AGL: variants seen among roughly 807,000 people sequenced by gnomAD.
AGL encodes glycogen debranching enzyme.
AGL carries 128 observed loss-of-function variants against 199.3 expected under a neutral mutation model. The ratio of observed to expected loss-of-function variants is 0.64; its 90% confidence interval spans 0.56 to 0.74. The LOEUF is 0.74. Among genes scored for constraint, AGL ranks in the 30% least tolerant of loss-of-function variants. The pLI is 0.00. For synonymous variants in AGL, 584 were observed against 594.7 expected, an observed-to-expected ratio of 0.98 and a Z score of 0.26; for missense variants, 1,809 against 1,820.8, an observed-to-expected ratio of 0.99 and a Z score of 0.12.
In AGL at chr1:99,861,774, C is replaced by T. The variant is rs541126827; in HGVS notation, c.293+61C>T. ...AATTTGTTCTGTAATTTGAAGTCAC[C>T]TAACTTGTAAATGTTACTGTATGAA... On this transcript the variant is annotated intron_variant, in intron 3 of 33. Transcript: ENST00000361915. The T allele has an allele frequency of 1.7e-5, 26 of 1,567,968 alleles. No homozygotes were observed. The South Asian group carries it at 2.8e-4, about 17-fold the overall frequency.
chr1:99,868,173 TA>T (rs1650693668), intron 5 of AGL, among the ~76,000 whole-genome samples: 1 of 152,230 alleles, frequency 6.6e-6, no homozygotes, highest in South Asian at 2.1e-4. Flanking sequence ...TGATGTGTGT[TA>T]AAACATAGTT....
rs1035695875 is a variant in AGL at position 99,888,007 on chromosome 1, T to C, written c.2711T>C (p.Leu904Pro). 2 of 1,613,590 alleles carry C rather than the reference T, an allele frequency of 1.2e-6. No homozygotes were observed. The highest frequency in any genetic ancestry group is 1.7e-5 in the Admixed American group (1 of 59,966). The change falls in exon 21 of 34, where the codon CTA (leucine) becomes CCA (proline). Residue 904 changes from leucine (L) to proline (P), a missense_variant. Transcript: ENST00000361915. ...GCCTCCAGATTAACTTTGGCTGAGC[T>C]AAATCAGATCCTTTACCGATGTGAA... ...SLASRLTLAE[L>P]NQILYRCESE...
chr1:99,906,777 A>G (rs1654324564), intron 27 of AGL, among the ~76,000 whole-genome samples: 1 of 152,124 alleles, frequency 6.6e-6, no homozygotes, highest in South Asian at 2.1e-4. Flanking sequence ...ATTCATTGTC[A>G]GTGGGCATTT....
At position 99,885,455 on chromosome 1, in the gene AGL, C is replaced by T. The variant is rs145419380; in HGVS notation, c.2681+752C>T. On this transcript the variant is annotated intron_variant, in intron 20 of 33. Transcript: ENST00000361915. ...TCAGAAATGGAAGTTTTGGGTTAGA[C>T]GAGGGGTCCCCAACCTCTGGGCCAC... Among the ~76,000 whole-genome samples the T allele has an allele frequency of 7.2e-3, 1,093 of 152,238 alleles. 8 individuals are homozygous for T. The highest frequency in any genetic ancestry group is 0.025 in the African/African-American group (1,034 of 41,530).
chr1:99,850,987 C>G lies in AGL; in HGVS notation c.-56C>G. The G allele has an allele frequency of 7.1e-7, 1 of 1,409,042 alleles. No individual in the cohort carries two copies. The highest frequency in any genetic ancestry group is 1.2e-5 in the South Asian group (1 of 86,672). The allele number at this position is 1,409,042 out of a possible 1,614,324, so 87.3% of individuals were successfully genotyped here. ...TTTTGTTTCATAGGGGTAACTCATT[C>G]GACTGTGGAGTTCTTTTAATTCTTA... On this transcript the variant is annotated 5_prime_UTR_variant, in exon 2 of 34. Coordinates refer to ENST00000361915, the MANE Select transcript of AGL (RefSeq NM_000642.3).
chr1:99,879,922 G>C lies in AGL; in HGVS notation c.1612-1G>C, dbSNP rs1327892944. Reference sequence around the variant, plus strand: ...TACATTTGTCACTGTGCTTTTTACAGTACATGTTGGATGCTGCTAGGAATT... The same window carrying C: ...TACATTTGTCACTGTGCTTTTTACACTACATGTTGGATGCTGCTAGGAATT... On this transcript the variant is annotated splice_acceptor_variant, in intron 12 of 33. Transcript: ENST00000361915. LOFTEE classifies it high-confidence loss of function. The C allele has an allele frequency of 6.2e-7, 1 of 1,610,454 alleles. No individual in the cohort carries two copies. The highest frequency in any genetic ancestry group is 1.7e-5 in the Admixed American group (1 of 59,970).
At chr1:99,903,339 A>G (rs983685459) in intron 27 of AGL, among the ~76,000 whole-genome samples, 2 of 151,964 alleles carry the variant, frequency 1.3e-5, no homozygotes, top group Non-Finnish European at 2.9e-5. Context: ...CCCGTGTCCA[A>G]GTATTCTCAT....
At chr1:99,852,048 T>G (rs1219147207) in intron 2 of AGL, among the ~76,000 whole-genome samples, 2 of 152,198 alleles carry the variant, frequency 1.3e-5, no homozygotes, top group African/African-American at 4.8e-5. Context: ...CCCCCTCCCC[T>G]GTTGCATATT....
intron 28 of AGL, 108 bp downstream of exon 28, chr1:99,910,955 A>G: frequency 8.1e-7 from 1 of 1,228,436 alleles, no homozygotes; most frequent in East Asian, 2.7e-5. Context: ...TAAGTCAATC[A>G]AAATTTCCCT....
At chr1:99,855,120 G>C (rs1649310036) in intron 2 of AGL, among the ~76,000 whole-genome samples, 1 of 152,118 alleles carries the variant, frequency 6.6e-6, no homozygotes, top group Non-Finnish European at 1.5e-5. Context: ...AGAATTGCTT[G>C]AATCCAGGAT....
At chr1:99,917,350 G>A (rs1655200675) in intron 33 of AGL, among the ~76,000 whole-genome samples, 1 of 152,006 alleles carries the variant, frequency 6.6e-6, no homozygotes, top group Non-Finnish European at 1.5e-5. Context: ...AAGCACATAA[G>A]GGACTTCTGC....
At chr1:99,869,110 C>G (rs1483968842) in intron 5 of AGL, among the ~76,000 whole-genome samples, 1 of 152,180 alleles carries the variant, frequency 6.6e-6, no homozygotes, top group Non-Finnish European at 1.5e-5. Context: ...CAGGCGTGAG[C>G]CACTGCACCT....
In AGL at chr1:99,900,730, G is replaced by A. The variant is rs1021861990; in HGVS notation, c.3457G>A (p.Ala1153Thr). 3 of 1,614,034 alleles carry A rather than the reference G, an allele frequency of 1.9e-6. No homozygotes were observed. The highest frequency in any genetic ancestry group is 1.3e-5 in the African/African-American group (1 of 74,922). Residue 1153 changes from alanine (A) to threonine (T), a missense_variant, in exon 26 of 34, where the codon GCT (alanine) becomes ACT (threonine). By Grantham distance (58) the Ala-to-Thr change is moderately conservative. Transcript: ENST00000361915. ...TTATGCCAGATACAATTGTCGGGATGCTGTGTGGTGGTGGCTGCAGTGTAT... is the reference window on the plus strand; with the variant it reads ...TTATGCCAGATACAATTGTCGGGATACTGTGTGGTGGTGGCTGCAGTGTAT... ...GIYARYNCRD[A>T]VWWWLQCIQD...
Position 99,888,084 on chromosome 1 carries a change from G to T in AGL, c.2788G>T (p.Ala930Ser). 2 of 1,613,274 alleles carry T rather than the reference G, an allele frequency of 1.2e-6. No individual in the cohort carries two copies. The highest frequency in any genetic ancestry group is 1.7e-6 in the Non-Finnish European group (2 of 1,179,570). ...GTGCTATGACATACCAAACTGGTCAGCCCTTAAATATGCAGGTCTTCAAGG... is the reference window on the plus strand; with the variant it reads ...GTGCTATGACATACCAAACTGGTCATCCCTTAAATATGCAGGTCTTCAAGG... ...GGCYDIPNWS[A>S]LKYAGLQGLM... Residue 930 changes from alanine to serine, a missense_variant, in exon 21 of 34, where the codon GCC (alanine) becomes TCC (serine). Ala to Ser is a moderately conservative substitution (Grantham distance 99). Transcript: ENST00000361915.
At chr1:99,851,392 A>G (rs187500508) in intron 2 of AGL, among the ~76,000 whole-genome samples, 5 of 152,340 alleles carry the variant, frequency 3.3e-5, no homozygotes, top group African/African-American at 9.6e-5. Flanking sequence ...TTGAAGTTAA[A>G]TATATGATCA....
In AGL at chr1:99,921,613, T is replaced by C. The variant is rs1406341617; in HGVS notation, c.4561T>C (p.Ser1521Pro). The C allele has an allele frequency of 1.2e-6, 2 of 1,612,804 alleles. No individual in the cohort carries two copies. Among genetic ancestry groups the C allele is most frequent in the South Asian group, 2.2e-5 (2 of 91,030 alleles). The change falls in exon 34 of 34, where the codon TCA (serine) becomes CCA (proline). Residue 1521 changes from serine (S) to proline (P), a missense_variant. Ser to Pro is a moderately conservative substitution (Grantham distance 74). Transcript: ENST00000361915. The part of the protein sequence containing the change: ...CPFSCETQAW[S>P]IATILETLYD... ...TTTCAGCTGTGAAACACAAGCCTGG[T>C]CAATTGCTACTATTCTTGAGACACT...
rs1336333560 is a variant in AGL, at chr1:99,875,368, G to C, written c.1196G>C (p.Cys399Ser). ...TTTAATGTTTTTCAGGCAGTTAATT[G>C]CCTTTTGGGAAATGTGTTTTATGAA... ...INYHQEQAVNCLLGNVFYERL... is the reference protein window; with the variant it reads ...INYHQEQAVNSLLGNVFYERL... The change falls in exon 10 of 34, where the codon TGC becomes TCC. Residue 399 changes from cysteine (C) to serine (S), a missense_variant. Coordinates refer to ENST00000361915, the MANE Select transcript of AGL (RefSeq NM_000642.3). The C allele has an allele frequency of 6.2e-7, 1 of 1,614,002 alleles. No individual in the cohort carries two copies. The highest frequency in any genetic ancestry group is 1.1e-5 in the South Asian group (1 of 91,088).
chr1:99,850,892 C>G, intron 1 of AGL, 83 bp from the exon 2 acceptor site: 1 of 738,554 alleles, frequency 1.4e-6, no homozygotes, highest in Non-Finnish European at 2.5e-6. Flanking sequence ...AAACACACTT[C>G]GAACATGTAA....
chr1:99,873,005 C>A (rs1371479771), intron 7 of AGL, among the ~76,000 whole-genome samples: 2 of 151,968 alleles, frequency 1.3e-5, no homozygotes, highest in African/African-American at 4.8e-5. Context: ...CCCTAGTATG[C>A]TCTTGATCTT....
Sources: gnomAD v4.1 joint callset for allele counts (sites outside exome capture counted in the v4.1 genomes callset) on GRCh38, gnomAD v4.1.1 for gene constraint, MANE v1.5 for transcripts, NCBI Gene and HGNC (gene_info 2026-07-23, HGNC 2026-07-21) for gene names.